Variants in ADAMTS16 observed in about 807,000 individuals in gnomAD.
ADAMTS16 encodes the protein A disintegrin and metalloproteinase with thrombospondin motifs 16.
Under a neutral mutation model 145.8 loss-of-function variants are expected in ADAMTS16, and 94 were observed. The observed-to-expected ratio is 0.64, with a 90% CI of 0.55 to 0.77. The LOEUF (loss-of-function observed/expected upper bound fraction) is 0.77, where lower values mean the gene tolerates loss of function less well. Ranked by LOEUF, ADAMTS16 falls within the 30% of genes least tolerant of loss-of-function variation. The pLI is 0.00. For missense variants in ADAMTS16, 1,585 were observed against 1,591.5 expected, an observed-to-expected ratio of 1.00 and a Z score of 0.07; for synonymous variants, 659 against 604.3, an observed-to-expected ratio of 1.09 and a Z score of -1.33.
intron 18 of ADAMTS16, among the ~76,000 whole-genome samples, chr5:5,266,502 C>T (rs1005051538): frequency 6.6e-6 from 1 of 152,224 alleles, no homozygotes; most frequent in Non-Finnish European, 1.5e-5. Flanking sequence ...ATGCTGGCAG[C>T]TGCTTCAGTT....
At chr5:5,207,525 A>G (rs761292836) in intron 9 of ADAMTS16, among the ~76,000 whole-genome samples, 4 of 152,156 alleles carry the variant, frequency 2.6e-5, no homozygotes, top group Non-Finnish European at 5.9e-5. Flanking sequence ...TATGCCTTTT[A>G]TGTAATATTC....
At chr5:5,318,946 C>T (rs1229812379) in intron 22 of ADAMTS16, 77 bp from the exon 23 acceptor site, 6 of 1,122,836 alleles carry the variant, frequency 5.3e-6, no homozygotes, top group Non-Finnish European at 7.9e-6. Context: ...CTTTTATTTG[C>T]CAGACAGAGC....
intron 21 of ADAMTS16, among the ~76,000 whole-genome samples, chr5:5,311,507 G>A (rs1487202094): frequency 6.7e-6 from 1 of 150,366 alleles, no homozygotes; most frequent in Non-Finnish European, 1.5e-5. Context: ...AGCTCCGGGT[G>A]TGCATGTGTG....
intron 18 of ADAMTS16, among the ~76,000 whole-genome samples, chr5:5,278,003 A>C (rs966681): frequency 6.6e-6 from 1 of 152,124 alleles, no homozygotes; most frequent in South Asian, 2.1e-4. Flanking sequence ...AAAAAAGACT[A>C]AAGAGAAGTA....
rs995554167 is a variant in ADAMTS16, at chr5:5,232,638, C to G, written c.1850+122C>G. ...TTTTTTTTTGAGATGGAGTCTCGCT[C>G]TGTCACCCAGGCTGGAGTGCAGTGG... On this transcript the variant is annotated intron_variant, in intron 12 of 22. Coordinates refer to ENST00000274181, the MANE Select transcript of ADAMTS16 (RefSeq NM_139056.4). 6.1e-5 allele frequency: 77 copies of G among 1,254,626 alleles called. 1 individual carries two copies. The Admixed American group carries it at 1.4e-3, about 22-fold the overall frequency. The allele number at this position is 1,254,626 out of a possible 1,614,324, so 77.7% of individuals were successfully genotyped here.
chr5:5,292,155 C>T (rs894702887), intron 18 of ADAMTS16, among the ~76,000 whole-genome samples: 48 of 152,176 alleles, frequency 3.2e-4, no homozygotes, highest in Admixed American at 1.8e-3. Flanking sequence ...TACAGTCTAG[C>T]TTCCTCTAGT....
intron 10 of ADAMTS16, among the ~76,000 whole-genome samples, chr5:5,211,475 C>G (rs536599882): frequency 6.6e-6 from 1 of 152,036 alleles, no homozygotes; most frequent in East Asian, 1.9e-4. Context: ...AGGAGTTTAT[C>G]ATATTAATCC....
intron 10 of ADAMTS16, among the ~76,000 whole-genome samples, chr5:5,217,622 G>A (rs1736472878): frequency 1.3e-5 from 2 of 152,194 alleles, no homozygotes; most frequent in African/African-American, 2.4e-5. Flanking sequence ...ATCTGAAAAT[G>A]TTGGTTTTAC....
chr5:5,186,498 G>C (rs202145264), intron 5 of ADAMTS16, among the ~76,000 whole-genome samples: 1 of 17,506 alleles, frequency 5.7e-5, no homozygotes. Context: ...ATAAGCCTCT[G>C]TAAGCCTGTG....
rs373108200 is a variant in ADAMTS16, at chr5:5,186,123, C to A, written c.835C>A (p.Arg279Ser). Reference sequence around the variant, plus strand: ...GTATAAGTCTTGCTTACGGCATAAGCGCTCTCTTCTGAGGTCCCATAGAAA... The same window carrying A: ...GTATAAGTCTTGCTTACGGCATAAGAGCTCTCTTCTGAGGTCCCATAGAAA... ...DEYKSCLRHKRSLLRSHRNEE... is the reference protein window; with the variant it reads ...DEYKSCLRHKSSLLRSHRNEE... Residue 279 changes from arginine to serine, a missense_variant, in exon 5 of 23, where the codon CGC (arginine) becomes AGC (serine). By Grantham distance (110) the Arg-to-Ser change is moderately radical (BLOSUM62 -1). This residue lies in a region of ADAMTS16 where 453 missense variants were observed against 412.1 expected (regional missense o/e 1.10). Coordinates refer to ENST00000274181, the MANE Select transcript of ADAMTS16 (RefSeq NM_139056.4). 1.2e-6 allele frequency: 2 copies of A among 1,614,052 alleles called. No homozygotes were observed. The highest frequency in any genetic ancestry group is 1.7e-6 in the Non-Finnish European group (2 of 1,180,002).
At chr5:5,154,223 C>T (rs916486185) in intron 3 of ADAMTS16, among the ~76,000 whole-genome samples, 1 of 152,136 alleles carries the variant, frequency 6.6e-6, no homozygotes, top group African/African-American at 2.4e-5. Context: ...GAGAAGACTG[C>T]TGATGGCATA....
rs80187424 is a variant in ADAMTS16, at chr5:5,269,553, C to T, written c.2789+6770C>T. On this transcript the variant is annotated intron_variant, in intron 18 of 22. Coordinates refer to ENST00000274181, the MANE Select transcript of ADAMTS16 (RefSeq NM_139056.4). The surrounding 1 kb of genome is among the most constrained non-coding windows in gnomAD (Gnocchi z 4.3). Reference sequence around the variant, plus strand: ...TAAAGAGAAGGAAGCAATGACCAGCCCTTCCTCTTGCCAGAATCTCCCTGT... The same window carrying T: ...TAAAGAGAAGGAAGCAATGACCAGCTCTTCCTCTTGCCAGAATCTCCCTGT... 9.3e-3 allele frequency among the ~76,000 whole-genome samples: 1,420 copies of T among 152,254 alleles called. 27 individuals carry two copies. The highest frequency in any genetic ancestry group is 0.032 in the African/African-American group (1,324 of 41,536).
intron 11 of ADAMTS16, among the ~76,000 whole-genome samples, chr5:5,227,565 AT>A (rs1238647540): frequency 2.0e-5 from 3 of 151,026 alleles, no homozygotes; most frequent in Middle Eastern, 3.4e-3. Context: ...ATGCACTTAT[AT>A]TTCCCCCAAC....
chr5:5,215,717 G>GTATATATATATATGTGGTA (rs56041596), intron 10 of ADAMTS16, among the ~76,000 whole-genome samples: 3 of 133,946 alleles, frequency 2.2e-5, no homozygotes, highest in East Asian at 4.2e-4. Context: ...TATATATGTG[G>GTATATATATATATGTGGTA]TATATATATA....
At chr5:5,245,582 C>T (rs1003727504) in intron 17 of ADAMTS16, among the ~76,000 whole-genome samples, 15 of 152,168 alleles carry the variant, frequency 9.9e-5, no homozygotes, top group African/African-American at 3.4e-4. Context: ...TCTTAGCTCT[C>T]TCTTTGAGAA....
In ADAMTS16 at chr5:5,147,433, G is replaced by C. The variant is rs182241725; in HGVS notation, c.501+978G>C. Among the ~76,000 whole-genome samples, 119 of 152,292 alleles carry C rather than the reference G, an allele frequency of 7.8e-4. 1 individual carries two copies. The Middle Eastern group carries it at 0.017, about 22-fold the overall frequency. ...AGACCCCACATCTCATAAAGATTTT[G>C]TGTGTGTGAATTTTGGATGCTGAAT... On this transcript the variant is annotated intron_variant, in intron 3 of 22. Coordinates refer to ENST00000274181, the MANE Select transcript of ADAMTS16 (RefSeq NM_139056.4).
At chr5:5,232,135 T>C (rs1479232315) in intron 11 of ADAMTS16, among the ~76,000 whole-genome samples, 2 of 152,176 alleles carry the variant, frequency 1.3e-5, no homozygotes, top group Admixed American at 1.3e-4. Flanking sequence ...AAATGATTTT[T>C]CTATTCATTT....
At chr5:5,231,368 T>A (rs536825275) in intron 11 of ADAMTS16, among the ~76,000 whole-genome samples, 4 of 152,324 alleles carry the variant, frequency 2.6e-5, no homozygotes, top group Non-Finnish European at 5.9e-5. Flanking sequence ...ATCAGTAGTT[T>A]GATATGTGTT....
chr5:5,221,286 G>T (rs1736598553), intron 10 of ADAMTS16, among the ~76,000 whole-genome samples: 1 of 151,992 alleles, frequency 6.6e-6, no homozygotes, highest in South Asian at 2.1e-4. Flanking sequence ...TTCTGGCCAA[G>T]AACAGAGGCC....
Sources: allele counts gnomAD v4.1 joint callset (sites outside exome capture counted in the v4.1 genomes callset), GRCh38; gene constraint gnomAD v4.1.1; regional missense constraint gnomAD v4.1.1; non-coding constraint Gnocchi (gnomAD v3.1); transcripts MANE v1.5; gene names NCBI Gene and HGNC (gene_info 2026-07-23, HGNC 2026-07-21).